Variants in SH3BGRL observed in about 807,000 individuals in gnomAD.
SH3BGRL encodes adapter SH3BGRL.
In SH3BGRL, 7 loss-of-function variants were observed where a neutral mutation model predicts 9.8. That is an observed-to-expected ratio of 0.72 (90% confidence interval 0.41 to 1.35). The LOEUF is 1.35. SH3BGRL is among the 40% of genes most tolerant of loss of function. SH3BGRL has a pLI of 0.01. For synonymous variants in SH3BGRL, 36 were observed against 29.1 expected (o/e 1.24, Z -0.76); for missense variants, 73 against 84.4 (o/e 0.86, Z 0.53).
intron 1 of SH3BGRL, among the ~76,000 whole-genome samples, chrX:81,251,499 G>C (rs1392391122): frequency 9.1e-6 from 1 of 109,960 alleles, no homozygotes; most frequent in Non-Finnish European, 1.9e-5. Context: ...CTAAAATTGT[G>C]CTGTTTAGTT....
At chrX:81,225,181 G>A (rs977183429) in intron 1 of SH3BGRL, among the ~76,000 whole-genome samples, 2 of 110,879 alleles carry the variant, frequency 1.8e-5, no homozygotes, top group East Asian at 2.8e-4. Flanking sequence ...CCATGGAAAA[G>A]CATTAATTTT....
At chrX:81,292,834 A>G (rs920524821) in intron 3 of SH3BGRL, among the ~76,000 whole-genome samples, 3 of 111,668 alleles carry the variant, frequency 2.7e-5, no homozygotes, top group Non-Finnish European at 5.6e-5. Context: ...ATGTCCAATC[A>G]TTTGGCTTCC....
Position 81,277,152 on chromosome X carries a change from G to A in SH3BGRL, c.214G>A (p.Glu72Lys). Residue 72 changes from glutamate (E) to lysine (K), a missense_variant, in exon 2 of 4, where the codon GAA becomes AAA. Transcript: ENST00000373212. ...GYPLPPQIFN[E>K]SQYRGDYDAF... ...CCCCCTGCCACCTCAGATTTTCAAT[G>A]AAAGCCAGTATCGCGGGGTAAGAAA... 8.3e-7 allele frequency: 1 copy of A among 1,208,196 alleles called. No individual in the cohort carries two copies. The highest frequency in any genetic ancestry group is 1.1e-6 in the Non-Finnish European group (1 of 893,661).
intron 1 of SH3BGRL, among the ~76,000 whole-genome samples, chrX:81,213,682 C>T (rs1195482118): frequency 8.9e-6 from 1 of 111,881 alleles, no homozygotes; most frequent in Non-Finnish European, 1.9e-5. Flanking sequence ...TAGAATAGTA[C>T]TATTTCAAAA....
chrX:81,233,324 A>G (rs2075638725), intron 1 of SH3BGRL, among the ~76,000 whole-genome samples: 1 of 111,971 alleles, frequency 8.9e-6, no homozygotes, highest in African/African-American at 3.2e-5. Context: ...AGCTTTGTAG[A>G]CCCTTTACAA....
chrX:81,225,282 T>C (rs2075613330), intron 1 of SH3BGRL, among the ~76,000 whole-genome samples: 1 of 111,475 alleles, frequency 9.0e-6, no homozygotes, highest in South Asian at 3.7e-4. Context: ...ATATATTTTC[T>C]TTTTAATTTT....
At chrX:81,234,454 G>A (rs2075641757) in intron 1 of SH3BGRL, among the ~76,000 whole-genome samples, 4 of 111,556 alleles carry the variant, frequency 3.6e-5, no homozygotes, top group Admixed American at 2.8e-4. Context: ...TGATTATTTT[G>A]CATTCAAATA....
chrX:81,209,251 G>T (rs754660613), intron 1 of SH3BGRL, among the ~76,000 whole-genome samples: 10 of 110,256 alleles, frequency 9.1e-5, no homozygotes, highest in Non-Finnish European at 1.9e-4. Flanking sequence ...AAAGTGATCC[G>T]CCCTCCTCGA....
At chrX:81,202,276 T>C (rs1477522945) in intron 1 of SH3BGRL, 31 bp downstream of exon 1, 1 of 1,174,681 alleles carries the variant, frequency 8.5e-7, no homozygotes, top group Non-Finnish European at 1.2e-6. Flanking sequence ...ACCTTTGTTG[T>C]TTTCCTACAC....
intron 1 of SH3BGRL, among the ~76,000 whole-genome samples, chrX:81,247,216 T>A: frequency 9.0e-6 from 1 of 111,271 alleles, no homozygotes; most frequent in South Asian, 3.8e-4. Context: ...TCTGGAAGAG[T>A]GTTTAGGGTT....
intron 3 of SH3BGRL, among the ~76,000 whole-genome samples, chrX:81,287,686 A>G (rs1215709085): frequency 9.0e-6 from 1 of 110,633 alleles, no homozygotes; most frequent in Non-Finnish European, 1.9e-5. Context: ...CAAGATTAGG[A>G]GAAATACTTA....
intron 1 of SH3BGRL, among the ~76,000 whole-genome samples, chrX:81,239,428 G>A (rs2075660744): frequency 8.9e-6 from 1 of 112,177 alleles, no homozygotes; most frequent in African/African-American, 3.2e-5. Flanking sequence ...GAATTGATCA[G>A]ACAAGAAAGA....
intron 1 of SH3BGRL, among the ~76,000 whole-genome samples, chrX:81,223,355 T>G (rs967087311): frequency 9.0e-6 from 1 of 111,064 alleles, no homozygotes; most frequent in African/African-American, 3.3e-5. Flanking sequence ...AAGTGGGAGA[T>G]CAGATTCTTG....
chrX:81,270,436 ATGCTATTCCTTTC>A (rs919779941), intron 1 of SH3BGRL, among the ~76,000 whole-genome samples: 2 of 111,814 alleles, frequency 1.8e-5, no homozygotes, highest in African/African-American at 6.5e-5. Flanking sequence ...GTTGATGTTG[ATGCTATTCCTTTC>A]TGTTTGTTAG....
intron 1 of SH3BGRL, among the ~76,000 whole-genome samples, chrX:81,202,932 CT>C (rs1254252219): frequency 9.0e-6 from 1 of 111,357 alleles, no homozygotes; most frequent in East Asian, 2.8e-4. Flanking sequence ...AAATATTTTA[CT>C]TTTAAATTTC....
chrX:81,249,943 A>G (rs765327503), intron 1 of SH3BGRL, among the ~76,000 whole-genome samples: 6 of 111,360 alleles, frequency 5.4e-5, no homozygotes, highest in Non-Finnish European at 1.1e-4. Flanking sequence ...ATTCATAGAA[A>G]TGCACAACAA....
intron 1 of SH3BGRL, among the ~76,000 whole-genome samples, chrX:81,223,624 A>T (rs2075607671): frequency 9.0e-6 from 1 of 110,831 alleles, no homozygotes; most frequent in Admixed American, 9.6e-5. Context: ...ACAGTGTAAG[A>T]TCATGTGATA....
At chrX:81,224,162 CTTG>C (rs2075609420) in intron 1 of SH3BGRL, among the ~76,000 whole-genome samples, 1 of 111,891 alleles carries the variant, frequency 8.9e-6, no homozygotes, top group Non-Finnish European at 1.9e-5. Context: ...AATTATACTG[CTTG>C]TTGTTGTAGA....
chrX:81,204,315 T>A (rs1371725100), intron 1 of SH3BGRL, among the ~76,000 whole-genome samples: 1 of 111,939 alleles, frequency 8.9e-6, no homozygotes, highest in Non-Finnish European at 1.9e-5. Context: ...GTAAAGTGAG[T>A]ACTTCTTTGT....
Sources: gnomAD v4.1 joint callset for allele counts (sites outside exome capture counted in the v4.1 genomes callset) on GRCh38, gnomAD v4.1.1 for gene constraint, MANE v1.5 for transcripts, NCBI Gene and HGNC (gene_info 2026-07-23, HGNC 2026-07-21) for gene names.